Variants in LRRFIP1 observed in about 807,000 individuals in gnomAD.
LRRFIP1 encodes the protein leucine-rich repeat flightless-interacting protein 1.
Under a neutral mutation model 104.4 loss-of-function variants are expected in LRRFIP1, and 62 were observed. That is an observed-to-expected ratio of 0.59 (90% CI 0.48 to 0.73). The LOEUF (loss-of-function observed/expected upper bound fraction) is 0.73. Among genes scored for constraint, LRRFIP1 ranks in the 30% least tolerant of loss-of-function variants. The pLI is 0.00. For missense variants in LRRFIP1, 796 were observed against 824.5 expected (o/e 0.97, Z 0.42); for synonymous variants, 300 against 299.0 (o/e 1.00, Z -0.03).
At chr2:237,726,121 C>T (rs932012892) in intron 7 of LRRFIP1, among the ~76,000 whole-genome samples, 4 of 152,244 alleles carry the variant, frequency 2.6e-5, no homozygotes, top group Admixed American at 6.5e-5. Context: ...GGAAATTAGT[C>T]TGAGTAAAAC....
intron 1 of LRRFIP1, among the ~76,000 whole-genome samples, chr2:237,672,358 A>G (rs1282772208): frequency 6.6e-6 from 1 of 152,134 alleles, no homozygotes; most frequent in African/African-American, 2.4e-5. Flanking sequence ...CACTTTAGAG[A>G]GTGAGGATCG....
chr2:237,754,895 A>G (rs1209933625), intron 15 of LRRFIP1, among the ~76,000 whole-genome samples: 1 of 152,188 alleles, frequency 6.6e-6, no homozygotes, highest in Non-Finnish European at 1.5e-5. Context: ...CACTCCAGAG[A>G]AGCTGGATGG....
At chr2:237,670,430 G>T (rs1200987816) in intron 1 of LRRFIP1, among the ~76,000 whole-genome samples, 2 of 152,224 alleles carry the variant, frequency 1.3e-5, no homozygotes, top group East Asian at 1.9e-4. Flanking sequence ...AGCCAGGGGT[G>T]GGGTAGGACA....
At chr2:237,765,731 A>C (rs187144334) in intron 19 of LRRFIP1, 217 of 941,104 alleles carry the variant, frequency 2.3e-4, no homozygotes, top group Non-Finnish European at 2.4e-4. Flanking sequence ...GTTAGATTTA[A>C]AATTGTAAAA....
chr2:237,775,969 A>AT (rs1387288511), intron 23 of LRRFIP1, among the ~76,000 whole-genome samples: 3 of 151,320 alleles, frequency 2.0e-5, no homozygotes, highest in South Asian at 4.2e-4. Context: ...ATTTTATTTT[A>AT]TTTATTTATT....
At chr2:237,747,963 G>T (rs894595643) in intron 11 of LRRFIP1, among the ~76,000 whole-genome samples, 7 of 151,920 alleles carry the variant, frequency 4.6e-5, no homozygotes, top group Non-Finnish European at 8.8e-5. Flanking sequence ...CCTGTCTTTT[G>T]TTGGATGCTG....
At chr2:237,705,340 A>G (rs1407121150) in intron 1 of LRRFIP1, among the ~76,000 whole-genome samples, 4 of 152,172 alleles carry the variant, frequency 2.6e-5, no homozygotes, top group Non-Finnish European at 5.9e-5. Context: ...ACACACAGTT[A>G]TGATCTCACA....
intron 1 of LRRFIP1, among the ~76,000 whole-genome samples, chr2:237,679,010 C>T (rs911160504): frequency 1.3e-5 from 2 of 152,170 alleles, no homozygotes; most frequent in Admixed American, 1.3e-4. Context: ...ACTTGCCCAG[C>T]GCTGAAGACT....
chr2:237,746,484 C>G (rs1290185729), intron 11 of LRRFIP1, among the ~76,000 whole-genome samples: 1 of 152,190 alleles, frequency 6.6e-6, no homozygotes, highest in African/African-American at 2.4e-5. Flanking sequence ...GGGGCTCTGC[C>G]AAATGAGATG....
intron 9 of LRRFIP1, among the ~76,000 whole-genome samples, chr2:237,734,834 A>C (rs979538079): frequency 2.6e-5 from 4 of 152,228 alleles, no homozygotes; most frequent in African/African-American, 7.2e-5. Context: ...TAAAATATTT[A>C]ACATTAAAAC....
chr2:237,720,671 G>A (rs1387655762), intron 5 of LRRFIP1, 101 bp from the exon 6 acceptor site: 3 of 1,008,568 alleles, frequency 3.0e-6, no homozygotes, highest in Non-Finnish European at 4.7e-6. Context: ...CACTGCTGTG[G>A]GTTGGGGTCA....
At chr2:237,718,534 T>G (rs537495915) in intron 4 of LRRFIP1, among the ~76,000 whole-genome samples, 109 of 152,314 alleles carry the variant, frequency 7.2e-4, no homozygotes, top group African/African-American at 2.5e-3. Flanking sequence ...CTGTGTGCTT[T>G]CCACTGGTCC....
chr2:237,651,455 C>T (rs1338501285), intron 1 of LRRFIP1, among the ~76,000 whole-genome samples: 1 of 152,184 alleles, frequency 6.6e-6, no homozygotes, highest in Non-Finnish European at 1.5e-5. Context: ...TGGTTTGAAT[C>T]AGGATCTAGA....
chr2:237,692,580 T>C, intron 1 of LRRFIP1: 1 of 1,448,428 alleles, frequency 6.9e-7, no homozygotes, highest in Non-Finnish European at 9.2e-7. Context: ...TTCAGGGGCT[T>C]CCAGCTCGTT....
intron 4 of LRRFIP1, 34 bp from the exon 5 acceptor site, chr2:237,719,489 C>T (rs1433198424): frequency 6.3e-7 from 1 of 1,583,272 alleles, no homozygotes; most frequent in South Asian, 1.1e-5. Flanking sequence ...GTCCATCTGT[C>T]TCTAACCTTT....
chr2:237,711,067 C>T lies in LRRFIP1; in HGVS notation c.183+2437C>T, dbSNP rs1418175214. Among the ~76,000 whole-genome samples, 1 of 152,130 alleles carries T rather than the reference C, an allele frequency of 6.6e-6. No homozygotes were observed. Among genetic ancestry groups the T allele is most frequent in the Non-Finnish European group, 1.5e-5 (1 of 68,040 alleles). On this transcript the variant is annotated intron_variant, in intron 2 of 23. Transcript: ENST00000308482. The surrounding 1 kb of genome is among the most constrained non-coding windows in gnomAD (Gnocchi z 4.4). ...CAGCTGGGGCAACATAATGAGACCC[C>T]TATCTCTTTCAAAAAGTAAAAAAAT...
chr2:237,686,362 C>G (rs1328806472), intron 1 of LRRFIP1, among the ~76,000 whole-genome samples: 1 of 152,098 alleles, frequency 6.6e-6, no homozygotes, highest in African/African-American at 2.4e-5. Flanking sequence ...GAAAAAATAT[C>G]CTAAAGACAT....
intron 19 of LRRFIP1, chr2:237,763,774 A>G (rs1187246379): frequency 6.2e-7 from 1 of 1,614,256 alleles, no homozygotes; most frequent in Non-Finnish European, 8.5e-7. Flanking sequence ...TTCAATCATC[A>G]GGCCCGAGGG....
In LRRFIP1 at chr2:237,760,270, A is replaced by G. The variant is rs574281252; in HGVS notation, c.1459+65A>G. 135 of 1,558,950 alleles carry G rather than the reference A, an allele frequency of 8.7e-5. 1 individual carries two copies. In the South Asian group the frequency reaches 1.4e-3, roughly 16 times the overall value. On this transcript the variant is annotated intron_variant, in intron 19 of 23. Transcript: ENST00000308482. ...CTCAGCATTGGTTCACCCTCCATGC[A>G]CTGCTGGGGTTGGAGCCACCGTCGC...
Sources: allele counts gnomAD v4.1 joint callset (sites outside exome capture counted in the v4.1 genomes callset), GRCh38; gene constraint gnomAD v4.1.1; non-coding constraint Gnocchi (gnomAD v3.1); transcripts MANE v1.5; gene names NCBI Gene and HGNC (gene_info 2026-07-23, HGNC 2026-07-21).